The following PCDHGB5 variants were observed in gnomAD, a reference collection of about 807,000 sequenced individuals.
PCDHGB5 encodes the protein protocadherin gamma-B5.
A neutral mutation model predicts 62.9 loss-of-function variants in PCDHGB5; 48 were observed. The ratio of observed to expected loss-of-function variants is 0.76; its 90% CI spans 0.61 to 0.97. PCDHGB5 has a LOEUF of 0.97. Ranked by LOEUF, PCDHGB5 falls within the 50% of genes least tolerant of loss-of-function variation. PCDHGB5 has a pLI of 0.00. For synonymous variants in PCDHGB5, 474 were observed against 511.2 expected, an observed-to-expected ratio of 0.93 and a Z score of 0.98; for missense variants, 1,118 against 1,198.6, an observed-to-expected ratio of 0.93 and a Z score of 0.99.
intron 1 of PCDHGB5, among the ~76,000 whole-genome samples, chr5:141,425,778 C>G (rs2096893107): frequency 6.6e-6 from 1 of 152,160 alleles, no homozygotes; most frequent in African/African-American, 2.4e-5. Flanking sequence ...AAGACTTTGC[C>G]TAGTTCTTCC....
intron 1 of PCDHGB5, among the ~76,000 whole-genome samples, chr5:141,433,818 CA>C (rs2097653666): frequency 7.5e-6 from 1 of 133,558 alleles, no homozygotes; most frequent in African/African-American, 2.9e-5. Flanking sequence ...GCCTGGGCAA[CA>C]AGAGTGAAAC....
rs1273620361 is a variant in PCDHGB5, at chr5:141,486,809, A to G, written c.2398-7998A>G. 1 of 1,614,106 alleles carries G rather than the reference A, an allele frequency of 6.2e-7. No homozygotes were observed. The highest frequency in any genetic ancestry group is 1.3e-5 in the African/African-American group (1 of 74,936). On this transcript the variant is annotated intron_variant, in intron 1 of 3. Coordinates refer to ENST00000617380, the MANE Select transcript of PCDHGB5 (RefSeq NM_018925.3). This position sits in a 1 kb window ranked among gnomAD's most constrained non-coding sequence, Gnocchi z 5.0. ...CCGGGATCGGGGCAACCCACCCCTT[A>G]GCAGCACTGTAACAGTTCGTCTATT...
At position 141,485,100 on chromosome 5, in the gene PCDHGB5, C is replaced by G. The variant is rs900224386; in HGVS notation, c.2398-9707C>G. 1.0e-5 allele frequency: 12 copies of G among 1,148,882 alleles called. No homozygotes were observed. Among genetic ancestry groups the G allele is most frequent in the Non-Finnish European group, 1.4e-5 (11 of 778,894 alleles). 71.2% of individuals were successfully genotyped at this position (1,148,882 alleles called of 1,614,324 possible). On this transcript the variant is annotated intron_variant, in intron 1 of 3. Coordinates refer to ENST00000617380, the MANE Select transcript of PCDHGB5 (RefSeq NM_018925.3). This position sits in a 1 kb window ranked among gnomAD's most constrained non-coding sequence, Gnocchi z 5.7. ...GGGAAAGGGAGATAGGTGTCTCCAG[C>G]TGCTGTGGCTGTTTGGGGCGGGTCG...
intron 1 of PCDHGB5, among the ~76,000 whole-genome samples, chr5:141,474,669 C>T (rs983136753): frequency 6.6e-6 from 1 of 152,198 alleles, no homozygotes; most frequent in Non-Finnish European, 1.5e-5. Flanking sequence ...CCTACCTAAC[C>T]TATGTGCCTA....
chr5:141,476,672 A>T lies in PCDHGB5; in HGVS notation c.2398-18135A>T. 6.2e-7 allele frequency: 1 copy of T among 1,614,206 alleles called. No individual in the cohort carries two copies. Among genetic ancestry groups the T allele is most frequent in the African/African-American group, 1.3e-5 (1 of 75,058 alleles). ...TGAATACTTTGCGCTTCGCGTGCAG[A>T]CGCGGGAGGACAGCACCAAGTACGC... On this transcript the variant is annotated intron_variant, in intron 1 of 3. Transcript: ENST00000617380. The surrounding 1 kb of genome is among the most constrained non-coding windows in gnomAD (Gnocchi z 7.6).
At chr5:141,438,957 C>T (rs1292059651) in intron 1 of PCDHGB5, among the ~76,000 whole-genome samples, 1 of 152,026 alleles carries the variant, frequency 6.6e-6, no homozygotes, top group Non-Finnish European at 1.5e-5. Context: ...TGAGCCACCG[C>T]ACCCTGCCAA....
chr5:141,427,865 G>A, intron 1 of PCDHGB5: 1 of 1,558,148 alleles, frequency 6.4e-7, no homozygotes. Flanking sequence ...GCGCCTTCGA[G>A]CTCACGATGC....
chr5:141,500,350 A>G (rs2099799466), intron 2 of PCDHGB5, among the ~76,000 whole-genome samples: 1 of 151,976 alleles, frequency 6.6e-6, no homozygotes, highest in African/African-American at 2.4e-5. Flanking sequence ...CTGGGACTAC[A>G]GGCGCCCACT....
chr5:141,398,787 A>T lies in PCDHGB5; in HGVS notation c.660A>T (p.Pro220=). The T allele has an allele frequency of 6.2e-7, 1 of 1,613,902 alleles. No homozygotes were observed. Among genetic ancestry groups the T allele is most frequent in the African/African-American group, 1.3e-5 (1 of 75,042 alleles). Residue 220 remains proline, a synonymous_variant, in exon 1 of 4, where the codon CCA becomes CCT. Coordinates refer to ENST00000617380, the MANE Select transcript of PCDHGB5 (RefSeq NM_018925.3). ...TGACTGCCTTGGACGGTGGACATCC[A>T]CCCCTAAGCGGCACCACTGAGCTCC... is the stretch of plus-strand genomic sequence containing the variant. ...LVLTALDGGH[P]PLSGTTELRI...
chr5:141,429,861 A>C (rs1483953460), intron 1 of PCDHGB5, among the ~76,000 whole-genome samples: 1 of 152,226 alleles, frequency 6.6e-6, no homozygotes, highest in Non-Finnish European at 1.5e-5. Flanking sequence ...TCTTTGGACT[A>C]CCAATTTTCT....
intron 1 of PCDHGB5, chr5:141,409,809 A>G: frequency 1.2e-6 from 2 of 1,611,542 alleles, no homozygotes; most frequent in Non-Finnish European, 1.7e-6. Context: ...CAGGCCCGCG[A>G]CCACGGCTCG....
intron 1 of PCDHGB5, among the ~76,000 whole-genome samples, chr5:141,468,758 C>T (rs929005462): frequency 6.6e-5 from 10 of 151,684 alleles, no homozygotes; most frequent in African/African-American, 2.2e-4. Context: ...CCCAGCTACT[C>T]GGGAGGCTGA....
At chr5:141,466,348 G>A (rs2099120992) in intron 1 of PCDHGB5, among the ~76,000 whole-genome samples, 2 of 151,876 alleles carry the variant, frequency 1.3e-5, no homozygotes, top group Admixed American at 6.6e-5. Context: ...TTTTTTTGCA[G>A]CTAATCTAGA....
chr5:141,474,772 G>A (rs1053853138), intron 1 of PCDHGB5, among the ~76,000 whole-genome samples: 2 of 152,182 alleles, frequency 1.3e-5, no homozygotes, highest in Non-Finnish European at 2.9e-5. Flanking sequence ...AATAGTATGA[G>A]GCTCTAACAC....
chr5:141,509,132 G>A (rs1261849657), intron 3 of PCDHGB5, among the ~76,000 whole-genome samples: 1 of 152,150 alleles, frequency 6.6e-6, no homozygotes, highest in Admixed American at 6.5e-5. Flanking sequence ...GAGAAAAACC[G>A]AGGCGCATCC....
intron 1 of PCDHGB5, chr5:141,415,453 G>A (rs759873920): frequency 1.9e-6 from 3 of 1,614,176 alleles, no homozygotes. Context: ...CTATTCCCAC[G>A]AGGTCTCTCT....
At chr5:141,413,270 C>T (rs2095621736) in intron 1 of PCDHGB5, 5 of 1,613,924 alleles carry the variant, frequency 3.1e-6, no homozygotes, top group Non-Finnish European at 4.2e-6. Flanking sequence ...GAGGCTGGAG[C>T]CCGGCAGATC....
chr5:141,438,789 G>C (rs970735448), intron 1 of PCDHGB5, among the ~76,000 whole-genome samples: 23 of 149,578 alleles, frequency 1.5e-4, no homozygotes, highest in African/African-American at 5.4e-4. Flanking sequence ...AGCCTCTCCA[G>C]TAGCTGGGAT....
At chr5:141,474,062 C>A (rs745636246) in intron 1 of PCDHGB5, among the ~76,000 whole-genome samples, 2 of 152,104 alleles carry the variant, frequency 1.3e-5, no homozygotes, top group Non-Finnish European at 2.9e-5. Context: ...AGAGCGAGAT[C>A]CTGCCTCAGA....
Sources: gnomAD v4.1 joint callset for allele counts (sites outside exome capture counted in the v4.1 genomes callset) on GRCh38, gnomAD v4.1.1 for gene constraint, Gnocchi (gnomAD v3.1) non-coding constraint, MANE v1.5 for transcripts, NCBI Gene and HGNC (gene_info 2026-07-23, HGNC 2026-07-21) for gene names.